Variants in TAF15 observed in about 807,000 individuals in gnomAD.
TAF15 encodes the protein TATA-box binding protein associated factor 15.
In TAF15, 37 loss-of-function variants were observed where a neutral mutation model predicts 102.5. That is an observed-to-expected ratio of 0.36 (90% CI 0.28 to 0.47). The LOEUF is 0.47. Among genes scored for constraint, TAF15 ranks in the 20% least tolerant of loss-of-function variants. The pLI is 0.99. For missense variants in TAF15, 652 were observed against 760.7 expected, an observed-to-expected ratio of 0.86 and a Z score of 1.68; for synonymous variants, 273 against 259.2, an observed-to-expected ratio of 1.05 and a Z score of -0.51.
intron 11 of TAF15, among the ~76,000 whole-genome samples, chr17:35,841,696 C>CTTT (rs549802660): frequency 7.4e-6 from 1 of 135,170 alleles, no homozygotes; most frequent in Non-Finnish European, 1.6e-5. Context: ...TCACGCCCAG[C>CTTT]TTTTTTTTTT....
chr17:35,842,281 C>T lies in TAF15; in HGVS notation c.914-86C>T, dbSNP rs2087557497. 9 of 1,019,290 alleles carry T rather than the reference C, an allele frequency of 8.8e-6. No individual in the cohort carries two copies. In the Admixed American group the frequency reaches 1.8e-4, roughly 20 times the overall value. The allele number at this position is 1,019,290 out of a possible 1,614,324, so 63.1% of individuals were successfully genotyped here. A position where few individuals can be genotyped will look rare whatever the true frequency, so the allele number is the denominator to read the frequency against. On this transcript the variant is annotated intron_variant, in intron 11 of 15. Coordinates refer to ENST00000605844, the MANE Select transcript of TAF15 (RefSeq NM_139215.3). ...GGACATGTCAGTTACTCCTCTGAAA[C>T]TAAAGATTTCCAAGACTTTTTCATT...
At chr17:35,812,210 G>A (rs2087132427) in intron 1 of TAF15, among the ~76,000 whole-genome samples, 1 of 152,100 alleles carries the variant, frequency 6.6e-6, no homozygotes, top group Non-Finnish European at 1.5e-5. Context: ...GAGATGACAA[G>A]GTAACATGGA....
chr17:35,817,866 G>A (rs1034437330), intron 2 of TAF15, 111 bp downstream of exon 2: 6 of 931,878 alleles, frequency 6.4e-6, no homozygotes, highest in Non-Finnish European at 8.8e-6. Context: ...ATATTAGCTT[G>A]TCACAGAGTG....
chr17:35,828,169 T>C (rs983989232), intron 7 of TAF15, among the ~76,000 whole-genome samples: 1 of 152,210 alleles, frequency 6.6e-6, no homozygotes, highest in Non-Finnish European at 1.5e-5. Context: ...CTTCTCCCTC[T>C]TAAAAGAGTA....
chr17:35,831,300 G>A (rs1055439269), intron 7 of TAF15, among the ~76,000 whole-genome samples: 5 of 151,846 alleles, frequency 3.3e-5, no homozygotes, highest in Non-Finnish European at 2.9e-5. Context: ...CCAGCTACTC[G>A]GGAGGCTGAG....
Position 35,822,845 on chromosome 17 carries a change from T to G in TAF15, c.484+12T>G, listed in dbSNP as rs777497777. ...CCACCACACACAAGGTAAGATTTAC[T>G]GACCTCTATTATTATTTTTCCCCCT... On this transcript the variant is annotated intron_variant, in intron 6 of 15. Transcript: ENST00000605844. 6.2e-7 allele frequency: 1 copy of G among 1,613,404 alleles called. No individual in the cohort carries two copies. Among genetic ancestry groups the G allele is most frequent in the African/African-American group, 1.3e-5 (1 of 75,054 alleles).
intron 8 of TAF15, chr17:35,834,343 G>A: frequency 1.9e-6 from 1 of 533,060 alleles, no homozygotes; most frequent in Non-Finnish European, 3.3e-6. Flanking sequence ...TAAAGTGGCA[G>A]GTGCTGTCTA....
intron 11 of TAF15, among the ~76,000 whole-genome samples, chr17:35,840,181 T>G (rs2087526892): frequency 6.6e-6 from 1 of 151,940 alleles, no homozygotes; most frequent in African/African-American, 2.4e-5. Flanking sequence ...GACAAACACT[T>G]GCAGTTCCTT....
chr17:35,828,179 A>G (rs1288322339), intron 7 of TAF15, among the ~76,000 whole-genome samples: 13 of 152,232 alleles, frequency 8.5e-5, no homozygotes, highest in African/African-American at 2.2e-4. Flanking sequence ...TTAAAAGAGT[A>G]TTCAGTTAAC....
intron 5 of TAF15, 97 bp downstream of exon 5, chr17:35,820,534 T>A: frequency 8.4e-7 from 1 of 1,193,578 alleles, no homozygotes; most frequent in Non-Finnish European, 1.2e-6. Context: ...TTAAACTTTT[T>A]TTTTTTTTAA....
At chr17:35,817,403 T>G (rs1400430651) in intron 1 of TAF15, 3 of 328,882 alleles carry the variant, frequency 9.1e-6, no homozygotes, top group African/African-American at 6.4e-5. Context: ...TTAACAGATG[T>G]CTTTTTGTAT....
chr17:35,834,570 C>A lies in TAF15; in HGVS notation c.645C>A (p.His215Gln). The A allele has an allele frequency of 6.2e-7, 1 of 1,612,994 alleles. No individual in the cohort carries two copies. Among genetic ancestry groups the A allele is most frequent in the South Asian group, 1.1e-5 (1 of 90,966 alleles). Residue 215 changes from histidine to glutamine, a missense_variant, in exon 9 of 16, where the codon CAC becomes CAA. Around this residue, in one of 3 missense-constraint regions of TAF15, gnomAD observed 243 missense variants for 284.1 expected, o/e 0.86. Coordinates refer to ENST00000605844, the MANE Select transcript of TAF15 (RefSeq NM_139215.3). The stretch of plus-strand genomic sequence containing the variant: ...TTTTCTTTTCTTTTCCCTTAGGTCA[C>A]AGGGATTATGGACCCAGAACAGATG... ...DRGGFKNFGG[H>Q]RDYGPRTDAD...
At chr17:35,846,216 A>G (rs1443838010) in intron 15 of TAF15, among the ~76,000 whole-genome samples, 3 of 152,224 alleles carry the variant, frequency 2.0e-5, no homozygotes, top group Non-Finnish European at 2.9e-5. Flanking sequence ...TCTACCACTT[A>G]TTAGCTGTGT....
intron 2 of TAF15, among the ~76,000 whole-genome samples, chr17:35,819,008 A>G (rs1020551719): frequency 7.2e-5 from 11 of 152,202 alleles, no homozygotes; most frequent in Admixed American, 1.3e-4. Context: ...GTGAGTGTAT[A>G]TATGCAGTGG....
At chr17:35,845,638 T>C (rs1425343415) in intron 15 of TAF15, among the ~76,000 whole-genome samples, 3 of 152,182 alleles carry the variant, frequency 2.0e-5, no homozygotes, top group Non-Finnish European at 4.4e-5. Context: ...GCCTCCCAAG[T>C]AGCTGGGACT....
At chr17:35,820,542 T>A (rs901071256) in intron 5 of TAF15, 105 bp downstream of exon 5, 47 of 964,964 alleles carry the variant, frequency 4.9e-5, no homozygotes, top group Non-Finnish European at 5.2e-5. Flanking sequence ...TTTTTTTTTT[T>A]AAAGGAAATT....
In TAF15 at chr17:35,835,548, T is replaced by C. The variant is rs149859447; in HGVS notation, c.674-584T>C. The stretch of plus-strand genomic sequence containing the variant: ...TTCTATGTGGATGGCAATTTCTGAA[T>C]TATCCCTTCATGGACTGAATTCTTA... On this transcript the variant is annotated intron_variant, in intron 9 of 15. Coordinates refer to ENST00000605844, the MANE Select transcript of TAF15 (RefSeq NM_139215.3). Among the ~76,000 whole-genome samples, 440 of 152,382 alleles carry C rather than the reference T, an allele frequency of 2.9e-3. 1 individual carries two copies. Among genetic ancestry groups the C allele is most frequent in the African/African-American group, 1.0e-2 (414 of 41,592 alleles).
rs1331208760 is a variant in TAF15 at position 35,846,932 on chromosome 17, A to G, written c.1766A>G (p.Asn589Ser). ...AACGACTACAGAAATGATCAGCGCA[A>G]CCGACCATACTGATGACTGTTTTGA... Reference protein sequence around the residue: ...GRNDYRNDQRNRPY With the variant: ...GRNDYRNDQRSRPY Residue 589 changes from asparagine to serine, a missense_variant, in exon 16 of 16, where the codon AAC becomes AGC. Coordinates refer to ENST00000605844, the MANE Select transcript of TAF15 (RefSeq NM_139215.3). 2.5e-6 allele frequency: 4 copies of G among 1,614,208 alleles called. No individual in the cohort carries two copies. Among genetic ancestry groups the G allele is most frequent in the Middle Eastern group, 1.6e-4 (1 of 6,062 alleles).
At chr17:35,809,978 C>T in intron 1 of TAF15, 1 of 350,946 alleles carries the variant, frequency 2.8e-6, no homozygotes, top group African/African-American at 2.1e-5. Context: ...TCAGCGAGGC[C>T]TCGGGCCAGT....
Sources: gnomAD v4.1 joint callset for allele counts (sites outside exome capture counted in the v4.1 genomes callset) on GRCh38, gnomAD v4.1.1 for gene constraint, gnomAD v4.1.1 regional missense constraint, MANE v1.5 for transcripts, NCBI Gene and HGNC (gene_info 2026-07-23, HGNC 2026-07-21) for gene names.